The following SHISA9 variants were observed in gnomAD, a reference collection of about 807,000 sequenced individuals.
SHISA9 encodes shisa family member 9.
In SHISA9, 13 loss-of-function variants were observed where a neutral mutation model predicts 38.0. That is an observed-to-expected ratio of 0.34 (90% confidence interval 0.22 to 0.54). The LOEUF (loss-of-function observed/expected upper bound fraction) is 0.54. Ranked by LOEUF, SHISA9 falls within the 20% of genes least tolerant of loss-of-function variation. The pLI, the probability that SHISA9 is intolerant of heterozygous loss-of-function variation, is 0.91. For missense variants in SHISA9, 538 were observed against 575.8 expected, an observed-to-expected ratio of 0.93 and a Z score of 0.67; for synonymous variants, 275 against 242.0, an observed-to-expected ratio of 1.14 and a Z score of -1.27.
intron 2 of SHISA9, among the ~76,000 whole-genome samples, chr16:13,052,329 ACT>A (rs1468919951): frequency 6.6e-6 from 1 of 152,114 alleles, no homozygotes; most frequent in Non-Finnish European, 1.5e-5. Flanking sequence ...TTCTGTAATA[ACT>A]CTTGGTGAAC....
chr16:13,032,088 T>C (rs1166472894), intron 2 of SHISA9, among the ~76,000 whole-genome samples: 2 of 152,098 alleles, frequency 1.3e-5, no homozygotes. Context: ...ACGTGTGCCA[T>C]GGTTGTTTGC....
the SHISA9 span, among the ~76,000 whole-genome samples, chr16:13,416,754 G>A: frequency 7.6e-6 from 1 of 132,012 alleles, no homozygotes; most frequent in Admixed American, 8.1e-5. Context: ...AAGGAAGGAA[G>A]GAAGGAAGGA....
chr16:13,094,305 A>G (rs1238281938), intron 2 of SHISA9, among the ~76,000 whole-genome samples: 1 of 152,210 alleles, frequency 6.6e-6, no homozygotes, highest in Non-Finnish European at 1.5e-5. Flanking sequence ...ATGACTTTGA[A>G]ATAGGCCATT....
chr16:13,110,138 C>T (rs1437837498), intron 2 of SHISA9, among the ~76,000 whole-genome samples: 3 of 152,164 alleles, frequency 2.0e-5, no homozygotes, highest in Non-Finnish European at 4.4e-5. Flanking sequence ...TTGTGTTGAG[C>T]ATCTCTCATA....
At chr16:13,194,982 A>C (rs564751261) in intron 2 of SHISA9, among the ~76,000 whole-genome samples, 1 of 152,240 alleles carries the variant, frequency 6.6e-6, no homozygotes, top group Non-Finnish European at 1.5e-5. Flanking sequence ...TGGAGACATC[A>C]GGATGACTTC....
intron 4 of SHISA9, among the ~76,000 whole-genome samples, chr16:13,223,601 C>A (rs1035999387): frequency 1.3e-5 from 2 of 152,110 alleles, no homozygotes; most frequent in Non-Finnish European, 2.9e-5. Context: ...AAAACCAACA[C>A]GTTGGTTCTT....
the SHISA9 span, among the ~76,000 whole-genome samples, chr16:13,304,085 A>G: frequency 6.6e-6 from 1 of 152,100 alleles, no homozygotes. Context: ...TGACTATACT[A>G]CAGCTTTTTT....
intron 2 of SHISA9, among the ~76,000 whole-genome samples, chr16:13,195,805 T>G (rs1210974375): frequency 6.6e-6 from 1 of 152,098 alleles, no homozygotes; most frequent in Admixed American, 6.5e-5. Context: ...AAATTCCGTT[T>G]GGCCAGGCGT....
chr16:13,428,784 T>TTTTTTTG, the SHISA9 span, among the ~76,000 whole-genome samples: 1 of 151,392 alleles, frequency 6.6e-6, no homozygotes. Context: ...TTTTTTTTTT[T>TTTTTTTG]TTGAGTCAGA....
chr16:13,163,046 T>C (rs996733251), intron 2 of SHISA9, among the ~76,000 whole-genome samples: 1 of 152,176 alleles, frequency 6.6e-6, no homozygotes, highest in African/African-American at 2.4e-5. Context: ...TTTATCCTTC[T>C]CTTGTTCTGA....
At chr16:12,907,580 C>G (rs904839381) in intron 1 of SHISA9, among the ~76,000 whole-genome samples, 11 of 152,146 alleles carry the variant, frequency 7.2e-5, no homozygotes, top group Middle Eastern at 3.2e-3. Context: ...CATCAGACAT[C>G]CAGTCATTTA....
chr16:13,390,052 C>G, the SHISA9 span, among the ~76,000 whole-genome samples: 1 of 152,058 alleles, frequency 6.6e-6, no homozygotes, highest in South Asian at 2.1e-4. Flanking sequence ...AAAAGAAAAT[C>G]AGAATGCTTT....
At chr16:13,203,859 C>T (rs1302426082) in intron 3 of SHISA9, among the ~76,000 whole-genome samples, 1 of 152,058 alleles carries the variant, frequency 6.6e-6, no homozygotes, top group Non-Finnish European at 1.5e-5. Flanking sequence ...ATCTATCTGT[C>T]TGTCCATCCA....
chr16:13,112,466 G>T (rs1313164797), intron 2 of SHISA9, among the ~76,000 whole-genome samples: 1 of 147,768 alleles, frequency 6.8e-6, no homozygotes, highest in African/African-American at 2.5e-5. Context: ...CTTTACCAAG[G>T]TTTTATGCCT....
intron 2 of SHISA9, among the ~76,000 whole-genome samples, chr16:13,017,504 C>T (rs538284214): frequency 6.6e-6 from 1 of 152,248 alleles, no homozygotes; most frequent in Admixed American, 6.5e-5. Context: ...CTGGGATTCC[C>T]ATTTAGATCT....
At chr16:13,494,445 GA>G in the SHISA9 span, among the ~76,000 whole-genome samples, 1 of 151,876 alleles carries the variant, frequency 6.6e-6, no homozygotes, top group East Asian at 1.9e-4. Flanking sequence ...TAAAAAGAAG[GA>G]AAAAATTAAA....
intron 2 of SHISA9, among the ~76,000 whole-genome samples, chr16:13,062,678 C>A (rs2073389778): frequency 6.6e-6 from 1 of 152,026 alleles, no homozygotes; most frequent in Admixed American, 6.5e-5. Context: ...CTTATTTTTT[C>A]CTTTTGCCCC....
At chr16:13,336,794 C>T in the SHISA9 span, among the ~76,000 whole-genome samples, 2 of 152,132 alleles carry the variant, frequency 1.3e-5, no homozygotes. Flanking sequence ...CCCTGGTTCT[C>T]TAGGCACAGC....
At chr16:13,282,929 C>T in the SHISA9 span, among the ~76,000 whole-genome samples, 16 of 152,038 alleles carry the variant, frequency 1.1e-4, no homozygotes, top group Admixed American at 2.6e-4. Flanking sequence ...ATATCATTTG[C>T]GAATATGTAT....
Sources: gnomAD v4.1 joint callset for allele counts (sites outside exome capture counted in the v4.1 genomes callset) on GRCh38, gnomAD v4.1.1 for gene constraint, MANE v1.5 for transcripts, NCBI Gene and HGNC (gene_info 2026-07-23, HGNC 2026-07-21) for gene names.